UTP3: variants seen among roughly 807,000 people sequenced by gnomAD.
The protein encoded by UTP3 is UTP3 small subunit processome component, also known as something about silencing protein 10.
UTP3 carries 19 observed loss-of-function variants against 37.9 expected under a neutral mutation model. The observed-to-expected ratio is 0.50, with a 90% CI of 0.35 to 0.74. The LOEUF is 0.74. Ranked by LOEUF, UTP3 falls within the 30% of genes least tolerant of loss-of-function variation. The pLI is 0.01. For synonymous variants in UTP3, 242 were observed against 218.5 expected (o/e 1.11, Z -0.95); for missense variants, 504 against 570.7 (o/e 0.88, Z 1.19).
chr4:70,689,308 T>C lies in UTP3; in HGVS notation c.631T>C (p.Ser211Pro), dbSNP rs1577846524. The change falls in exon 1 of 1, where the codon TCA becomes CCA. Residue 211 changes from serine (S) to proline (P), a missense_variant. Physicochemically the swap from Ser to Pro is moderately conservative, Grantham distance 74. Coordinates refer to ENST00000254803, the MANE Select transcript of UTP3 (RefSeq NM_020368.3). Reference protein sequence around the residue: ...TRVVKDLAKVSVKEKLKMLRK... With the variant: ...TRVVKDLAKVPVKEKLKMLRK... ...GGTCGTGAAGGATTTGGCTAAAGTT[T>C]CAGTGAAAGAGAAGCTGAAAATGTT... The C allele has an allele frequency of 3.1e-6, 5 of 1,614,144 alleles. No individual in the cohort carries two copies. The South Asian group carries it at 3.3e-5, about 11-fold the overall frequency.
Position 70,688,570 on chromosome 4 carries a change from G to T in UTP3, c.-108G>T. 1 of 1,145,214 alleles carries T rather than the reference G, an allele frequency of 8.7e-7. No individual in the cohort carries two copies. The highest frequency in any genetic ancestry group is 1.6e-5 in the South Asian group (1 of 64,150). The allele number at this position is 1,145,214 out of a possible 1,614,324, so 70.9% of individuals were successfully genotyped here. ...GAGTCTGCAAACTCCGGTGGTAGGG[G>T]AGCGCGCTGCTGTTTAGAGCCACGA... On this transcript the variant is annotated 5_prime_UTR_variant, in exon 1 of 1. Transcript: ENST00000254803.
rs1320055270 is a variant in UTP3, at chr4:70,689,371, G to C, written c.694G>C (p.Asp232His). ...ESPELLELIE[D>H]LKVKLTEVKD... ...ACCAGAACTCTTGGAGCTGATAGAA[G>C]ACCTGAAAGTCAAGTTGACAGAGGT... Residue 232 changes from aspartate (D) to histidine (H), a missense_variant, in exon 1 of 1, where the codon GAC (aspartate) becomes CAC (histidine). By Grantham distance (81) the Asp-to-His change is moderately conservative. Coordinates refer to ENST00000254803, the MANE Select transcript of UTP3 (RefSeq NM_020368.3). 6.2e-7 allele frequency: 1 copy of C among 1,614,050 alleles called. No individual in the cohort carries two copies. The highest frequency in any genetic ancestry group is 1.3e-5 in the African/African-American group (1 of 74,924).
rs1166536409 is a variant in UTP3 at position 70,689,857 on chromosome 4, G to A, written c.1180G>A (p.Glu394Lys). ...DRQKLKRKKE[E>K]NSTEEQALED... is the part of the protein sequence containing the mutation. ...GCAAAAGCTAAAGAGAAAGAAAGAA[G>A]AAAATAGCACTGAAGAACAGGCTCT... Residue 394 changes from glutamate (E) to lysine (K), a missense_variant, in exon 1 of 1, where the codon GAA becomes AAA. Transcript: ENST00000254803. 2 of 1,613,904 alleles carry A rather than the reference G, an allele frequency of 1.2e-6. No individual in the cohort carries two copies. The highest frequency in any genetic ancestry group is 1.3e-5 in the African/African-American group (1 of 74,998).
Position 70,689,955 on chromosome 4 carries a change from G to A in UTP3, c.1278G>A (p.Lys426=). Residue 426 remains lysine, a synonymous_variant, in exon 1 of 1, where the codon AAG becomes AAA. Transcript: ENST00000254803. ...ATAGGGGACTTACTCCTAGGAGAAA[G>A]AAGATTGATCGCAATCCCAGAGTGA... ...AKNRGLTPRR[K]KIDRNPRVKH... The A allele has an allele frequency of 6.2e-7, 1 of 1,614,114 alleles. No individual in the cohort carries two copies. Among genetic ancestry groups the A allele is most frequent in the Non-Finnish European group, 8.5e-7 (1 of 1,180,028 alleles).
chr4:70,689,897 C>T lies in UTP3; in HGVS notation c.1220C>T (p.Ala407Val). 1.2e-6 allele frequency: 2 copies of T among 1,613,760 alleles called. No individual in the cohort carries two copies. The highest frequency in any genetic ancestry group is 2.2e-5 in the East Asian group (1 of 44,870). ...GAACAGGCTCTTGAAGATCAAAATG[C>T]AAAGAGAGCTATTACCTATCAAATT... ...TEEQALEDQN[A>V]KRAITYQIAK... The change falls in exon 1 of 1, where the codon GCA (alanine) becomes GTA (valine). Residue 407 changes from alanine (A) to valine (V), a missense_variant. By Grantham distance (64) the Ala-to-Val change is moderately conservative. Coordinates refer to ENST00000254803, the MANE Select transcript of UTP3 (RefSeq NM_020368.3).
Position 70,690,049 on chromosome 4 carries a change from G to A in UTP3, c.1372G>A (p.Glu458Lys). 2 of 1,614,008 alleles carry A rather than the reference G, an allele frequency of 1.2e-6. No homozygotes were observed. The highest frequency in any genetic ancestry group is 2.2e-5 in the East Asian group (1 of 44,880). The change falls in exon 1 of 1, where the codon GAG (glutamate) becomes AAG (lysine). Residue 458 changes from glutamate (E) to lysine (K), a missense_variant. Transcript: ENST00000254803. ...CCAGGTTCGTGAAGTTCGTAAAGAA[G>A]AGCAACGTTATAGTGGTGAATTATC... is the stretch of plus-strand genomic sequence containing the variant. ...RGQVREVRKEEQRYSGELSGI... is the reference protein window; with the variant it reads ...RGQVREVRKEKQRYSGELSGI...
Position 70,689,173 on chromosome 4 carries a change from CA to C in UTP3, c.497del (p.Gln166ArgfsTer7). ...GGAAAGAGAGGAGGAGGAGGAGGCA[CA>C]GATCATTCAGCGGCGCCTAGCCCAA... ...EEEREEEEEA[Q>X]IIQRRLAQAL... On this transcript the variant is annotated frameshift_variant, in exon 1 of 1. Coordinates refer to ENST00000254803, the MANE Select transcript of UTP3 (RefSeq NM_020368.3). LOFTEE classifies it high-confidence loss of function. 1 of 1,614,032 alleles carries C rather than the reference CA, an allele frequency of 6.2e-7. No individual in the cohort carries two copies. Among genetic ancestry groups the C allele is most frequent in the Non-Finnish European group, 8.5e-7 (1 of 1,179,986 alleles).
Position 70,690,119 on chromosome 4 carries a change from G to A in UTP3, c.*2G>A, listed in dbSNP as rs367902966. On this transcript the variant is annotated 3_prime_UTR_variant, in exon 1 of 1. Transcript: ENST00000254803. ...AAAAAGAGCATTAAGCTTAAATGAA[G>A]TTTTTGCTTAGCATAAGGTTTTTGG... is the stretch of plus-strand genomic sequence containing the variant. 6.3e-6 allele frequency: 10 copies of A among 1,576,374 alleles called. No individual in the cohort carries two copies. Among genetic ancestry groups the A allele is most frequent in the Non-Finnish European group, 8.6e-6 (10 of 1,166,038 alleles).
Position 70,689,654 on chromosome 4 carries a change from T to C in UTP3, c.977T>C (p.Leu326Ser), listed in dbSNP as rs376104894. The change falls in exon 1 of 1, where the codon TTG (leucine) becomes TCG (serine). Residue 326 changes from leucine (L) to serine (S), a missense_variant. Leu to Ser is a moderately radical substitution (Grantham distance 145, BLOSUM62 -2). Transcript: ENST00000254803. ...QKLSSEIRHL[L>S]TLKDDAVKKE... ...CTGTCCTCAGAAATTCGTCATCTGT[T>C]GACACTTAAGGATGATGCTGTAAAG... The C allele has an allele frequency of 9.3e-6, 15 of 1,614,082 alleles. No individual in the cohort carries two copies. In the African/African-American group the frequency reaches 2.0e-4, roughly 22 times the overall value.
Position 70,690,086 on chromosome 4 carries a change from C to T in UTP3, c.1409C>T (p.Ala470Val). 6.2e-7 allele frequency: 1 copy of T among 1,607,518 alleles called. No individual in the cohort carries two copies. Among genetic ancestry groups the T allele is most frequent in the Non-Finnish European group, 8.5e-7 (1 of 1,178,106 alleles). ...AGTGGTGAATTATCTGGCATTCGTGCAGGAGTTAAAAAGAGCATTAAGCTT... is the reference window on the plus strand; with the variant it reads ...AGTGGTGAATTATCTGGCATTCGTGTAGGAGTTAAAAAGAGCATTAAGCTT... Reference protein sequence around the residue: ...RYSGELSGIRAGVKKSIKLK With the variant: ...RYSGELSGIRVGVKKSIKLK Residue 470 changes from alanine to valine, a missense_variant, in exon 1 of 1, where the codon GCA becomes GTA. Physicochemically the swap from Ala to Val is moderately conservative, Grantham distance 64 (BLOSUM62 0). Transcript: ENST00000254803.
In UTP3 at chr4:70,689,628, G is replaced by A. The variant is rs775191792; in HGVS notation, c.951G>A (p.Lys317=). 4 of 1,614,224 alleles carry A rather than the reference G, an allele frequency of 2.5e-6. No homozygotes were observed. Among genetic ancestry groups the A allele is most frequent in the East Asian group, 2.2e-5 (1 of 44,886 alleles). The change falls in exon 1 of 1, where the codon AAG becomes AAA. Residue 317 remains lysine (K), a synonymous_variant. Coordinates refer to ENST00000254803, the MANE Select transcript of UTP3 (RefSeq NM_020368.3). Reference sequence around the variant, plus strand: ...ACAAGCTGTCCGTTGTGGATCAGAAGCTGTCCTCAGAAATTCGTCATCTGT... The same window carrying A: ...ACAAGCTGTCCGTTGTGGATCAGAAACTGTCCTCAGAAATTCGTCATCTGT... ...LINKLSVVDQ[K]LSSEIRHLLT... is the part of the protein sequence containing the mutation.
chr4:70,688,844 C>A lies in UTP3; in HGVS notation c.167C>A (p.Ser56Tyr). The A allele has an allele frequency of 6.2e-7, 1 of 1,614,096 alleles. No individual in the cohort carries two copies. ...GTAGATGACTTTCATGAGGCACGAT[C>A]CCGGGCCGCCTTAGCTAAGGGCTGG... Reference protein sequence around the residue: ...DQVDDFHEARSRAALAKGWNE... With the variant: ...DQVDDFHEARYRAALAKGWNE... Residue 56 changes from serine (S) to tyrosine (Y), a missense_variant, in exon 1 of 1, where the codon TCC (serine) becomes TAC (tyrosine). By Grantham distance (144) the Ser-to-Tyr change is moderately radical (BLOSUM62 -2). Transcript: ENST00000254803.
chr4:70,689,817 A>G lies in UTP3; in HGVS notation c.1140A>G (p.Lys380=). Residue 380 remains lysine (K), a synonymous_variant, in exon 1 of 1, where the codon AAA becomes AAG. Coordinates refer to ENST00000254803, the MANE Select transcript of UTP3 (RefSeq NM_020368.3). ...AAAAAGCAAAACTGAAGTACTATAA[A>G]GAAATAGAAGACAGGCAAAAGCTAA... ...FDEKAKLKYY[K]EIEDRQKLKR... The G allele has an allele frequency of 1.2e-6, 2 of 1,613,512 alleles. No homozygotes were observed. The highest frequency in any genetic ancestry group is 1.7e-6 in the Non-Finnish European group (2 of 1,179,922).
rs775674377 is a variant in UTP3, at chr4:70,689,987, G to A, written c.1310G>A (p.Arg437Lys). 6.2e-7 allele frequency: 1 copy of A among 1,614,138 alleles called. No homozygotes were observed. Among genetic ancestry groups the A allele is most frequent in the South Asian group, 1.1e-5 (1 of 91,066 alleles). Residue 437 changes from arginine (R) to lysine (K), a missense_variant, in exon 1 of 1, where the codon AGA becomes AAA. By Grantham distance (26) the Arg-to-Lys change is conservative. Transcript: ENST00000254803. ...KIDRNPRVKHREKFRRAKIRR... is the reference protein window; with the variant it reads ...KIDRNPRVKHKEKFRRAKIRR... ...GATCGCAATCCCAGAGTGAAACACA[G>A]AGAGAAGTTCAGAAGAGCCAAAATT... is the stretch of plus-strand genomic sequence containing the variant.
rs1249037198 is a variant in UTP3 at position 70,688,608 on chromosome 4, C to G, written c.-70C>G. On this transcript the variant is annotated 5_prime_UTR_variant, in exon 1 of 1. Coordinates refer to ENST00000254803, the MANE Select transcript of UTP3 (RefSeq NM_020368.3). ...TTTAGAGCCACGAGTTACCGGAGCG[C>G]CTGATTCCTGCGCCGAAGTCAGTGG... 1 of 1,486,676 alleles carries G rather than the reference C, an allele frequency of 6.7e-7. No individual in the cohort carries two copies. The highest frequency in any genetic ancestry group is 9.0e-7 in the Non-Finnish European group (1 of 1,107,384). 92.1% of individuals were successfully genotyped at this position (1,486,676 alleles called of 1,614,324 possible).
chr4:70,689,220 TG>T lies in UTP3; in HGVS notation c.545del (p.Gly182ValfsTer15), dbSNP rs776068575. 1 of 1,613,962 alleles carries T rather than the reference TG, an allele frequency of 6.2e-7. No homozygotes were observed. The highest frequency in any genetic ancestry group is 1.3e-5 in the African/African-American group (1 of 74,924). The stretch of plus-strand genomic sequence containing the variant: ...CCCAAGCGCTGCAAGAGGATGATTT[TG>T]GTGTCGCCTGGGTTGAGGCCTTTGC... ...LAQALQEDDF[G>X]VAWVEAFAKP... On this transcript the variant is annotated frameshift_variant, in exon 1 of 1. Coordinates refer to ENST00000254803, the MANE Select transcript of UTP3 (RefSeq NM_020368.3). LOFTEE classifies it high-confidence loss of function.
chr4:70,689,451 C>A lies in UTP3; in HGVS notation c.774C>A (p.Pro258=). The change falls in exon 1 of 1, where the codon CCC becomes CCA. Residue 258 remains proline (P), a synonymous_variant. Transcript: ENST00000254803. ...TGGTGGAACAAGGGATCATTCCACCCGGAAAAGGAAGCCAATACTTGAGGA... is the reference window on the plus strand; with the variant it reads ...TGGTGGAACAAGGGATCATTCCACCAGGAAAAGGAAGCCAATACTTGAGGA... The part of the protein sequence containing the change: ...LELVEQGIIP[P]GKGSQYLRTK... 6.2e-7 allele frequency: 1 copy of A among 1,614,138 alleles called. No individual in the cohort carries two copies. The highest frequency in any genetic ancestry group is 1.1e-5 in the South Asian group (1 of 91,080).
chr4:70,689,532 G>T lies in UTP3; in HGVS notation c.855G>T (p.Leu285=). The T allele has an allele frequency of 6.2e-7, 1 of 1,614,158 alleles. No individual in the cohort carries two copies. Among genetic ancestry groups the T allele is most frequent in the Non-Finnish European group, 8.5e-7 (1 of 1,180,024 alleles). Reference sequence around the variant, plus strand: ...CGAACATCAGTTTTTATTTGATCCTGAAAGCTAGGAGAGTCCCAGCACATG... The same window carrying T: ...CGAACATCAGTTTTTATTTGATCCTTAAAGCTAGGAGAGTCCCAGCACATG... The part of the protein sequence containing the change: ...YCSNISFYLI[L]KARRVPAHGH... The change falls in exon 1 of 1, where the codon CTG becomes CTT. Residue 285 remains leucine, a synonymous_variant. Transcript: ENST00000254803.
Position 70,689,007 on chromosome 4 carries a change from TGGTG to T in UTP3, c.333_336del (p.Gly112AlafsTer60). On this transcript the variant is annotated frameshift_variant, in exon 1 of 1. Transcript: ENST00000254803. LOFTEE classifies it high-confidence loss of function. ...AGGAGGAGGAGAATGCCGATGATGA[TGGTG>T]GGAGCTCCGTGCAAAGTGAAGCTGA... 6.3e-7 allele frequency: 1 copy of T among 1,588,774 alleles called. No homozygotes were observed. Among genetic ancestry groups the T allele is most frequent in the Non-Finnish European group, 8.6e-7 (1 of 1,166,778 alleles).
Sources: allele counts gnomAD v4.1 joint callset, GRCh38; gene constraint gnomAD v4.1.1; transcripts MANE v1.5; gene names NCBI Gene and HGNC (gene_info 2026-07-23, HGNC 2026-07-21).